Variants in CNTNAP2 observed in about 807,000 individuals in gnomAD.
CNTNAP2 encodes contactin associated protein 2, also known as contactin-associated protein-like 2.
Under a neutral mutation model 155.2 loss-of-function variants are expected in CNTNAP2, and 98 were observed. The ratio of observed to expected loss-of-function variants is 0.63; its 90% CI spans 0.54 to 0.75. The LOEUF (loss-of-function observed/expected upper bound fraction) is 0.75, where lower values mean the gene tolerates loss of function less well. CNTNAP2 is among the 30% of genes least tolerant of loss of function. The probability of loss-of-function intolerance (pLI) is 0.00; values close to 1 mark genes in which losing one functional copy is unlikely to be tolerated. For missense variants in CNTNAP2, 1,727 were observed against 1,688.1 expected (o/e 1.02, Z -0.40); for synonymous variants, 651 against 631.2 (o/e 1.03, Z -0.47).
chr7:146,200,462 C>G (rs1438351984), intron 1 of CNTNAP2, among the ~76,000 whole-genome samples: 3 of 151,782 alleles, frequency 2.0e-5, no homozygotes, highest in Admixed American at 1.3e-4. Context: ...CCACTGCACT[C>G]CAGCCTGGTG....
intron 1 of CNTNAP2, among the ~76,000 whole-genome samples, chr7:146,246,607 G>A (rs1296526048): frequency 6.6e-6 from 1 of 151,586 alleles, no homozygotes; most frequent in Non-Finnish European, 1.5e-5. Flanking sequence ...CGTCCCTGAT[G>A]GTCTAGGGGG....
At chr7:146,971,477 A>G (rs1334653956) in intron 3 of CNTNAP2, among the ~76,000 whole-genome samples, 1 of 152,196 alleles carries the variant, frequency 6.6e-6, no homozygotes, top group Non-Finnish European at 1.5e-5. Context: ...ATCTAAGTCT[A>G]TTTGGGCTCG....
intron 14 of CNTNAP2, among the ~76,000 whole-genome samples, chr7:147,962,647 T>A (rs972953369): frequency 6.6e-6 from 1 of 152,220 alleles, no homozygotes; most frequent in African/African-American, 2.4e-5. Context: ...AAACTGATAT[T>A]TTTGTGTGTA....
intron 15 of CNTNAP2, among the ~76,000 whole-genome samples, chr7:148,079,440 T>A (rs923250680): frequency 1.3e-5 from 2 of 152,152 alleles, no homozygotes; most frequent in African/African-American, 4.8e-5. Flanking sequence ...TTAAGATAAG[T>A]GGTTGTAGAG....
intron 1 of CNTNAP2, among the ~76,000 whole-genome samples, chr7:146,752,624 T>G (rs942804790): frequency 2.0e-5 from 3 of 152,176 alleles, no homozygotes; most frequent in African/African-American, 7.2e-5. Context: ...TTAGTTTAAT[T>G]AGATCCTATT....
At chr7:147,118,617 T>TTA (rs1801037507) in intron 5 of CNTNAP2, among the ~76,000 whole-genome samples, 1 of 152,166 alleles carries the variant, frequency 6.6e-6, no homozygotes, top group Non-Finnish European at 1.5e-5. Context: ...AAACGTAAAT[T>TTA]GTATAGCCTA....
intron 16 of CNTNAP2, among the ~76,000 whole-genome samples, chr7:148,137,365 T>C (rs1359746691): frequency 6.6e-6 from 1 of 152,174 alleles, no homozygotes; most frequent in Non-Finnish European, 1.5e-5. Context: ...GCTTGCTATA[T>C]AGAAAATGAT....
intron 13 of CNTNAP2, among the ~76,000 whole-genome samples, chr7:147,848,205 G>A (rs1394670387): frequency 7.6e-5 from 11 of 143,834 alleles, no homozygotes; most frequent in African/African-American, 2.8e-4. Context: ...CCTCGTTGCC[G>A]CCTTGCAGTT....
chr7:147,204,540 C>T (rs1418108360), intron 8 of CNTNAP2, among the ~76,000 whole-genome samples: 1 of 151,862 alleles, frequency 6.6e-6, no homozygotes, highest in African/African-American at 2.4e-5. Flanking sequence ...ATAGTAAACT[C>T]CATGAAAGGA....
chr7:148,210,417 T>C (rs1795525149), intron 18 of CNTNAP2, among the ~76,000 whole-genome samples: 2 of 152,334 alleles, frequency 1.3e-5, no homozygotes, highest in South Asian at 4.1e-4. Flanking sequence ...GGAAATTCTA[T>C]AATAGATGCA....
chr7:148,394,651 T>A (rs1463493535), intron 22 of CNTNAP2, among the ~76,000 whole-genome samples: 3 of 152,240 alleles, frequency 2.0e-5, no homozygotes, highest in Non-Finnish European at 4.4e-5. Flanking sequence ...TGCGAAATGA[T>A]TCAGATAAGT....
intron 3 of CNTNAP2, among the ~76,000 whole-genome samples, chr7:146,854,599 A>T (rs577144232): frequency 9.2e-5 from 14 of 152,270 alleles, no homozygotes; most frequent in Non-Finnish European, 1.3e-4. Flanking sequence ...ACATATAGGG[A>T]CATTATGTTA....
intron 1 of CNTNAP2, among the ~76,000 whole-genome samples, chr7:146,514,864 G>T (rs1237885072): frequency 2.6e-5 from 4 of 152,032 alleles, no homozygotes; most frequent in East Asian, 1.9e-4. Flanking sequence ...TCTGCTTAGA[G>T]GTGTACTGTA....
chr7:147,391,806 A>G (rs1796723006), intron 9 of CNTNAP2, among the ~76,000 whole-genome samples: 3 of 150,104 alleles, frequency 2.0e-5, no homozygotes, highest in South Asian at 4.1e-4. Context: ...TCATCCTTAG[A>G]TCATGTTTTC....
chr7:147,890,458 A>C (rs1279674734), intron 13 of CNTNAP2, among the ~76,000 whole-genome samples: 2 of 151,914 alleles, frequency 1.3e-5, no homozygotes, highest in Admixed American at 6.6e-5. Context: ...TAAAAATAGA[A>C]CTCCCATATG....
intron 3 of CNTNAP2, among the ~76,000 whole-genome samples, chr7:146,948,999 T>G (rs191917122): frequency 2.0e-4 from 30 of 152,296 alleles, no homozygotes; most frequent in Admixed American, 1.4e-3. Context: ...TAGCCAGTCA[T>G]GCTTAACTAT....
At chr7:147,511,921 A>C (rs2116690926) in intron 11 of CNTNAP2, among the ~76,000 whole-genome samples, 1 of 152,260 alleles carries the variant, frequency 6.6e-6, no homozygotes, top group Middle Eastern at 3.4e-3. Flanking sequence ...GCCAACGTAA[A>C]CCTAGATAAA....
intron 13 of CNTNAP2, among the ~76,000 whole-genome samples, chr7:147,836,828 T>G (rs1343935516): frequency 6.6e-6 from 1 of 152,242 alleles, no homozygotes; most frequent in Non-Finnish European, 1.5e-5. Context: ...ATAGCTGTTC[T>G]GTTTCCAACA....
At chr7:147,844,718 A>G (rs987115495) in intron 13 of CNTNAP2, among the ~76,000 whole-genome samples, 2 of 72,934 alleles carry the variant, frequency 2.7e-5, no homozygotes, top group Non-Finnish European at 5.4e-5. Flanking sequence ...TCAGTATGAT[A>G]TTGGCTGTGG....
Sources: gnomAD v4.1 joint callset for allele counts (sites outside exome capture counted in the v4.1 genomes callset) on GRCh38, gnomAD v4.1.1 for gene constraint, MANE v1.5 for transcripts, NCBI Gene and HGNC (gene_info 2026-07-23, HGNC 2026-07-21) for gene names.